Variants in ARMC3 observed in about 807,000 individuals in gnomAD.
The protein encoded by ARMC3 is armadillo repeat-containing protein 3.
A neutral mutation model predicts 90.3 loss-of-function variants in ARMC3; 74 were observed. The observed-to-expected ratio is 0.82, with a 90% CI of 0.68 to 0.99. ARMC3 has a LOEUF of 0.99. Among genes scored for constraint, ARMC3 ranks in the 50% least tolerant of loss-of-function variants. The pLI, the probability that ARMC3 is intolerant of heterozygous loss-of-function variation, is 0.00. For missense variants in ARMC3, 958 were observed against 1,042.8 expected, an observed-to-expected ratio of 0.92 and a Z score of 1.12; for synonymous variants, 334 against 361.8, an observed-to-expected ratio of 0.92 and a Z score of 0.87.
rs1382007556 is a variant in ARMC3 at position 23,037,416 on chromosome 10, G to A, written c.2556G>A (p.Met852Ile). The A allele has an allele frequency of 1.9e-6, 3 of 1,614,096 alleles. No individual in the cohort carries two copies. In the South Asian group the frequency reaches 3.3e-5, roughly 18 times the overall value. Residue 852 changes from methionine (M) to isoleucine (I), a missense_variant, in exon 19 of 19, where the codon ATG (methionine) becomes ATA (isoleucine). Met to Ile is a conservative substitution (Grantham distance 10). Coordinates refer to ENST00000298032, the MANE Select transcript of ARMC3 (RefSeq NM_173081.5). The part of the protein sequence containing the change: ...PAPEMYVIDL[M>I]FHPGGLMKLR... ...CTGAGATGTACGTGATTGACCTCAT[G>A]TTCCATCCAGGTGGACTGATGAAGT...
At chr10:22,935,898 ACCT>A (rs755536530) in intron 2 of ARMC3, among the ~76,000 whole-genome samples, 42 of 152,110 alleles carry the variant, frequency 2.8e-4, no homozygotes, top group Non-Finnish European at 5.3e-4. Flanking sequence ...AATGCTGTCT[ACCT>A]CCTCCTGTTT....
chr10:23,008,483 G>T (rs1429435874), intron 15 of ARMC3, 109 bp downstream of exon 15: 3 of 692,190 alleles, frequency 4.3e-6, no homozygotes, highest in East Asian at 2.8e-5. Context: ...TTCTTCTTAT[G>T]GTAATACAAT....
In ARMC3 at chr10:23,033,011, T is replaced by C; in HGVS notation, c.2397T>C (p.Ala799=). 1.9e-6 allele frequency: 3 copies of C among 1,612,586 alleles called. No individual in the cohort carries two copies. Among genetic ancestry groups the C allele is most frequent in the Non-Finnish European group, 2.5e-6 (3 of 1,179,144 alleles). Residue 799 remains alanine, a synonymous_variant, in exon 18 of 19, where the codon GCT becomes GCC. Transcript: ENST00000298032. The part of the protein sequence containing the change: ...HVKKGIFYHR[A]LLFKALADRI... The stretch of plus-strand genomic sequence containing the variant: ...AAAAAGGAATCTTCTACCATCGAGC[T>C]TTGCTTTTCAAGGTGTGTAAGGTAT...
chr10:23,015,710 TTTTTAAAATAATTTCCCACTACCC>T (rs1838241645), intron 16 of ARMC3, among the ~76,000 whole-genome samples: 1 of 152,204 alleles, frequency 6.6e-6, no homozygotes, highest in Non-Finnish European at 1.5e-5. Context: ...AACATTTTTG[TTTTTAAAATAATTTCCCACTACCC>T]TCTTTTTACC....
chr10:22,935,268 G>A (rs1474493786), intron 2 of ARMC3, among the ~76,000 whole-genome samples: 1 of 152,136 alleles, frequency 6.6e-6, no homozygotes, highest in African/African-American at 2.4e-5. Flanking sequence ...TGGGAAGAGG[G>A]TGAGGTCTCC....
At position 23,003,265 on chromosome 10, in the gene ARMC3, G is replaced by A. The variant is rs1389228963; in HGVS notation, c.1582G>A (p.Glu528Lys). The A allele has an allele frequency of 6.2e-7, 1 of 1,612,428 alleles. No homozygotes were observed. The highest frequency in any genetic ancestry group is 2.2e-5 in the East Asian group (1 of 44,814). ...TGACAGGGCTTTAGATATCCTTGAA[G>A]AAGTTAACGTATCAGGAACTCGGAA... ...CRLGALDILE[E>K]VNVSGTRKNK... The change falls in exon 13 of 19, where the codon GAA becomes AAA. Residue 528 changes from glutamate (E) to lysine (K), a missense_variant. Glu to Lys is a moderately conservative substitution (Grantham distance 56). Coordinates refer to ENST00000298032, the MANE Select transcript of ARMC3 (RefSeq NM_173081.5).
At chr10:22,936,112 G>T (rs1306909643) in intron 2 of ARMC3, among the ~76,000 whole-genome samples, 1 of 152,032 alleles carries the variant, frequency 6.6e-6, no homozygotes, top group African/African-American at 2.4e-5. Context: ...TAATACTCCA[G>T]CCACTAGGCA....
At chr10:22,947,911 T>C (rs1564345017) in intron 3 of ARMC3, among the ~76,000 whole-genome samples, 1 of 151,954 alleles carries the variant, frequency 6.6e-6, no homozygotes, top group Non-Finnish European at 1.5e-5. Flanking sequence ...TATATTTTAG[T>C]CTTCATATTA....
In ARMC3 at chr10:23,037,379, GCCTCC is replaced by G; in HGVS notation, c.2522_2526del (p.Leu841ArgfsTer3). 6.2e-7 allele frequency: 1 copy of G among 1,613,958 alleles called. No homozygotes were observed. The highest frequency in any genetic ancestry group is 8.5e-7 in the Non-Finnish European group (1 of 1,179,904). On this transcript the variant is annotated frameshift_variant, in exon 19 of 19. Transcript: ENST00000298032. LOFTEE classifies it low-confidence loss of function (END_TRUNC). ...GACTCTCGGAAGGGAGTGATTGGGG[GCCTCC>G]CCGCTCCTGAGATGTACGTGATTGA...
chr10:22,956,200 C>T (rs2131235867), intron 4 of ARMC3, among the ~76,000 whole-genome samples: 1 of 152,296 alleles, frequency 6.6e-6, no homozygotes, highest in African/African-American at 2.4e-5. Context: ...CAATCATTTT[C>T]TCTTAAAATT....
intron 1 of ARMC3, among the ~76,000 whole-genome samples, chr10:22,929,197 T>C (rs1833829240): frequency 1.4e-5 from 2 of 145,868 alleles, no homozygotes; most frequent in Non-Finnish European, 3.0e-5. Flanking sequence ...CTCTCCAGCC[T>C]GGGCAACAGA....
At chr10:22,931,067 A>G (rs901054367) in intron 1 of ARMC3, among the ~76,000 whole-genome samples, 3 of 152,074 alleles carry the variant, frequency 2.0e-5, no homozygotes, top group African/African-American at 7.2e-5. Context: ...AGCTGGGACT[A>G]CAAGGCACGT....
intron 10 of ARMC3, among the ~76,000 whole-genome samples, chr10:22,986,110 G>GCCCCCCCCC (rs147031860): frequency 9.8e-6 from 1 of 101,592 alleles, no homozygotes; most frequent in Non-Finnish European, 2.0e-5. Flanking sequence ...TGCACTGCAC[G>GCCCCCCCCC]CCCCCCCCCC....
At chr10:23,023,959 C>T (rs376071398) in intron 16 of ARMC3, among the ~76,000 whole-genome samples, 4 of 152,234 alleles carry the variant, frequency 2.6e-5, no homozygotes, top group South Asian at 4.1e-4. Flanking sequence ...ATTGAAAACT[C>T]CCCACATTTG....
chr10:22,931,077 T>C (rs1049886734), intron 1 of ARMC3, among the ~76,000 whole-genome samples: 1 of 152,134 alleles, frequency 6.6e-6, no homozygotes, highest in Non-Finnish European at 1.5e-5. Flanking sequence ...ACAAGGCACG[T>C]GCCACCACAC....
At position 22,953,181 on chromosome 10, in the gene ARMC3, C is replaced by T. The variant is rs144721022; in HGVS notation, c.167-2626C>T. 5.6e-3 allele frequency among the ~76,000 whole-genome samples: 846 copies of T among 152,088 alleles called. 9 individuals carry two copies. Among genetic ancestry groups the T allele is most frequent in the African/African-American group, 0.019 (774 of 41,504 alleles). On this transcript the variant is annotated intron_variant, in intron 3 of 18. Coordinates refer to ENST00000298032, the MANE Select transcript of ARMC3 (RefSeq NM_173081.5). ...AGGGCGTGATTTCTGGCTTTGAAGACGAAAGGGGCTCACTAGCCAAGGAAT... is the reference window on the plus strand; with the variant it reads ...AGGGCGTGATTTCTGGCTTTGAAGATGAAAGGGGCTCACTAGCCAAGGAAT...
intron 16 of ARMC3, among the ~76,000 whole-genome samples, chr10:23,021,316 T>C (rs1260739576): frequency 6.6e-6 from 1 of 152,218 alleles, no homozygotes; most frequent in East Asian, 1.9e-4. Flanking sequence ...TTATTTTCCT[T>C]TGGGTGTACA....
intron 16 of ARMC3, among the ~76,000 whole-genome samples, chr10:23,026,056 C>T (rs1268964397): frequency 6.6e-6 from 1 of 152,050 alleles, no homozygotes; most frequent in Non-Finnish European, 1.5e-5. Context: ...GACAACAGCC[C>T]TGTAACTATT....
chr10:22,989,602 T>C (rs1380484277), intron 10 of ARMC3, among the ~76,000 whole-genome samples: 5 of 152,124 alleles, frequency 3.3e-5, no homozygotes, highest in Non-Finnish European at 5.9e-5. Context: ...TTTTAGGAGG[T>C]TTTGTTTTGT....
Sources: allele counts gnomAD v4.1 joint callset (sites outside exome capture counted in the v4.1 genomes callset), GRCh38; gene constraint gnomAD v4.1.1; transcripts MANE v1.5; gene names NCBI Gene and HGNC (gene_info 2026-07-23, HGNC 2026-07-21).